The following THRAP3 variants were observed in gnomAD, a reference collection of about 807,000 sequenced individuals.
THRAP3 encodes the protein thyroid hormone receptor associated protein 3.
In THRAP3, 16 loss-of-function variants were observed where a neutral mutation model predicts 101.0. The ratio of observed to expected loss-of-function variants is 0.16; its 90% CI spans 0.11 to 0.24. The LOEUF is 0.24. Among genes scored for constraint, THRAP3 ranks in the 10% least tolerant of loss-of-function variants. The pLI is 1.00. For missense variants in THRAP3, 989 were observed against 1,202.7 expected, an observed-to-expected ratio of 0.82 and a Z score of 2.63; for synonymous variants, 407 against 422.6, an observed-to-expected ratio of 0.96 and a Z score of 0.45.
chr1:36,257,922 C>T lies in THRAP3; in HGVS notation c.-134-1460C>T, dbSNP rs548851649. Reference sequence around the variant, plus strand: ...ATGGCACGATCTCGGCACACTGCAACCTCTGCTTCCCGAGTTCAAGGGATT... The same window carrying T: ...ATGGCACGATCTCGGCACACTGCAATCTCTGCTTCCCGAGTTCAAGGGATT... On this transcript the variant is annotated intron_variant, in intron 1 of 11. Coordinates refer to ENST00000354618, the MANE Select transcript of THRAP3 (RefSeq NM_005119.4). Among the ~76,000 whole-genome samples the T allele has an allele frequency of 3.3e-5, 5 of 152,296 alleles. No homozygotes were observed. In the East Asian group the frequency reaches 9.6e-4, roughly 29 times the overall value.
At chr1:36,251,691 G>C (rs1290173490) in intron 1 of THRAP3, among the ~76,000 whole-genome samples, 1 of 152,210 alleles carries the variant, frequency 6.6e-6, no homozygotes, top group Admixed American at 6.5e-5. Flanking sequence ...CCAGCTTGTT[G>C]AAGTCGTGTC....
intron 4 of THRAP3, chr1:36,287,625 A>C: frequency 2.0e-6 from 2 of 985,368 alleles, no homozygotes; most frequent in Non-Finnish European, 2.4e-6. Context: ...TGGCCATTGG[A>C]GCTCTTAGAC....
chr1:36,246,153 C>A (rs1482154632), intron 1 of THRAP3, among the ~76,000 whole-genome samples: 1 of 152,120 alleles, frequency 6.6e-6, no homozygotes, highest in Non-Finnish European at 1.5e-5. Flanking sequence ...AATCTTTGTC[C>A]ATTTTTTCAT....
intron 1 of THRAP3, chr1:36,225,069 C>T (rs1644946416): frequency 6.6e-6 from 1 of 152,248 alleles, no homozygotes. Context: ...GCTTGCATTC[C>T]AGTGGCAATC....
At chr1:36,217,607 G>T in the THRAP3 span, among the ~76,000 whole-genome samples, 10 of 151,998 alleles carry the variant, frequency 6.6e-5, no homozygotes, top group Non-Finnish European at 1.3e-4. Context: ...TTTTCCAAAG[G>T]CATGTGCTCA....
intron 5 of THRAP3, among the ~76,000 whole-genome samples, chr1:36,290,608 C>T (rs1375995311): frequency 4.6e-5 from 7 of 152,070 alleles, no homozygotes; most frequent in Non-Finnish European, 8.8e-5. Flanking sequence ...TGGGATTACA[C>T]GCACCTGCCA....
intron 1 of THRAP3, among the ~76,000 whole-genome samples, chr1:36,253,626 C>T (rs1030072012): frequency 5.3e-5 from 8 of 152,088 alleles, no homozygotes; most frequent in African/African-American, 1.9e-4. Context: ...CAGAATCTCC[C>T]TCCGTCAGCT....
chr1:36,225,436 C>T (rs1644950767), intron 1 of THRAP3: 2 of 152,190 alleles, frequency 1.3e-5, no homozygotes, highest in South Asian at 4.1e-4. Flanking sequence ...TCTCCAGCTG[C>T]CTCAGTTTTC....
chr1:36,221,928 G>A (rs12138894), upstream of THRAP3, among the ~76,000 whole-genome samples: 1 of 151,878 alleles, frequency 6.6e-6, no homozygotes, highest in Non-Finnish European at 1.5e-5. Flanking sequence ...TCCTGCCTCA[G>A]CTTTCTGAAT....
chr1:36,220,845 C>T (rs1326310594), upstream of THRAP3, among the ~76,000 whole-genome samples: 3 of 150,732 alleles, frequency 2.0e-5, no homozygotes, highest in East Asian at 3.9e-4. Context: ...ATCTCAGCTA[C>T]TCGGGAGACT....
intron 1 of THRAP3, among the ~76,000 whole-genome samples, chr1:36,258,355 G>A (rs963228172): frequency 3.3e-5 from 5 of 152,162 alleles, no homozygotes; most frequent in Non-Finnish European, 5.9e-5. Context: ...AGTATTTTGA[G>A]TGAGTTTTTT....
At chr1:36,209,893 A>G in the THRAP3 span, among the ~76,000 whole-genome samples, 2 of 152,314 alleles carry the variant, frequency 1.3e-5, no homozygotes, top group East Asian at 3.9e-4. Flanking sequence ...ACTTGCTTGG[A>G]GTCAAGCGTG....
At chr1:36,291,097 C>G (rs537611640) in intron 5 of THRAP3, among the ~76,000 whole-genome samples, 1 of 152,244 alleles carries the variant, frequency 6.6e-6, no homozygotes, top group Admixed American at 6.5e-5. Context: ...TGTAGTTTAT[C>G]TTTTAAAATA....
At position 36,304,159 on chromosome 1, in the gene THRAP3, A is replaced by G. The variant is rs528984121; in HGVS notation, c.*142A>G. On this transcript the variant is annotated 3_prime_UTR_variant, in exon 12 of 12. Transcript: ENST00000354618. The stretch of plus-strand genomic sequence containing the variant: ...CAGCCGCACAGATTGTACTACCGCG[A>G]GAGGCATCCCTGGCGCTGTCTCCCA... 3.6e-4 allele frequency: 460 copies of G among 1,288,950 alleles called. No individual in the cohort carries two copies. The highest frequency in any genetic ancestry group is 4.5e-4 in the Non-Finnish European group (438 of 969,604). 79.8% of individuals were successfully genotyped at this position (1,288,950 alleles called of 1,614,324 possible).
At chr1:36,257,178 T>G (rs1292154881) in intron 1 of THRAP3, among the ~76,000 whole-genome samples, 1 of 152,146 alleles carries the variant, frequency 6.6e-6, no homozygotes, top group African/African-American at 2.4e-5. Context: ...ATTTGCTGTT[T>G]CCTCAGATAA....
chr1:36,303,595 A>C (rs1036979122), intron 11 of THRAP3, among the ~76,000 whole-genome samples: 3 of 152,162 alleles, frequency 2.0e-5, no homozygotes, highest in Non-Finnish European at 4.4e-5. Flanking sequence ...AAAATTCCTA[A>C]ATCACCCAAC....
upstream of THRAP3, among the ~76,000 whole-genome samples, chr1:36,220,106 G>A (rs1644894672): frequency 6.6e-6 from 1 of 152,112 alleles, no homozygotes; most frequent in Non-Finnish European, 1.5e-5. Context: ...TGATTCTCCT[G>A]CCTCAGCCTC....
chr1:36,240,524 T>C (rs1367316503), intron 1 of THRAP3, among the ~76,000 whole-genome samples: 1 of 152,200 alleles, frequency 6.6e-6, no homozygotes, highest in African/African-American at 2.4e-5. Context: ...AGAGTCCAGC[T>C]GGACATGTGG....
intron 9 of THRAP3, among the ~76,000 whole-genome samples, chr1:36,297,315 G>A (rs943884006): frequency 3.3e-5 from 5 of 151,994 alleles, no homozygotes; most frequent in Admixed American, 6.6e-5. Flanking sequence ...ATGTCCTGAT[G>A]TTTCTGTTTA....
Sources: gnomAD v4.1 joint callset for allele counts (sites outside exome capture counted in the v4.1 genomes callset) on GRCh38, gnomAD v4.1.1 for gene constraint, MANE v1.5 for transcripts, NCBI Gene and HGNC (gene_info 2026-07-23, HGNC 2026-07-21) for gene names.